The following TMEM132D variants were observed in gnomAD, a reference collection of about 807,000 sequenced individuals.
The protein encoded by TMEM132D is mature OL transmembrane protein.
A neutral mutation model predicts 62.3 loss-of-function variants in TMEM132D; 21 were observed. That is an observed-to-expected ratio of 0.34 (90% CI 0.24 to 0.49). The LOEUF (loss-of-function observed/expected upper bound fraction) is 0.49, where lower values mean the gene tolerates loss of function less well. TMEM132D is among the 20% of genes least tolerant of loss of function. TMEM132D has a pLI of 0.99. For synonymous variants in TMEM132D, 621 were observed against 575.6 expected, an observed-to-expected ratio of 1.08 and a Z score of -1.13; for missense variants, 1,346 against 1,402.8, an observed-to-expected ratio of 0.96 and a Z score of 0.65.
At position 129,568,353 on chromosome 12, in the gene TMEM132D, C is replaced by T. The variant is rs74867804; in HGVS notation, c.969-37148G>A. ...TGTCACCCCCTGGTCCATAATCCAA[C>T]GCACTGACAAACGCAATTCCCTGTG... is the stretch of plus-strand genomic sequence containing the variant. On this transcript the variant is annotated intron_variant, in intron 2 of 8. Transcript: ENST00000422113. Among the ~76,000 whole-genome samples the T allele has an allele frequency of 9.2e-3, 1,405 of 152,322 alleles. 18 individuals carry two copies. Among genetic ancestry groups the T allele is most frequent in the African/African-American group, 0.032 (1,337 of 41,572 alleles).
At chr12:129,380,829 T>G (rs1425528609) in intron 3 of TMEM132D, among the ~76,000 whole-genome samples, 2 of 152,244 alleles carry the variant, frequency 1.3e-5, no homozygotes, top group Non-Finnish European at 2.9e-5. Flanking sequence ...GTATGTAACC[T>G]TTTAGAACTA....
chr12:129,709,562 G>A (rs551735985), intron 1 of TMEM132D, among the ~76,000 whole-genome samples: 1 of 152,230 alleles, frequency 6.6e-6, no homozygotes, highest in South Asian at 2.1e-4. Context: ...GGTTCCCAAA[G>A]GAAAACATCT....
At chr12:129,137,256 C>A (rs1565975665) in intron 5 of TMEM132D, among the ~76,000 whole-genome samples, 1 of 151,552 alleles carries the variant, frequency 6.6e-6, no homozygotes, top group African/African-American at 2.4e-5. Flanking sequence ...ATTATCACCA[C>A]CATCAACATC....
At position 129,696,323 on chromosome 12, in the gene TMEM132D, A is replaced by C. The variant is rs549697461; in HGVS notation, c.968+3487T>G. On this transcript the variant is annotated intron_variant, in intron 2 of 8. Transcript: ENST00000422113. ...CTTAAAGCCAATCACAGTGCTAGGC[A>C]TATGGCACTTAACAAATTCTTGAGC... Among the ~76,000 whole-genome samples the C allele has an allele frequency of 9.6e-4, 147 of 152,374 alleles. 1 individual carries two copies. Among genetic ancestry groups the C allele is most frequent in the African/African-American group, 2.9e-3 (122 of 41,584 alleles).
chr12:129,892,337 T>C (rs537808672), intron 1 of TMEM132D, among the ~76,000 whole-genome samples: 60 of 152,308 alleles, frequency 3.9e-4, no homozygotes, highest in African/African-American at 1.1e-3. Flanking sequence ...TCTTAAAACA[T>C]CTCTACCAAT....
intron 3 of TMEM132D, among the ~76,000 whole-genome samples, chr12:129,423,161 C>T (rs1191431366): frequency 1.3e-5 from 2 of 152,052 alleles, no homozygotes; most frequent in Non-Finnish European, 2.9e-5. Flanking sequence ...AATCTCAATT[C>T]ATATGCACAC....
intron 3 of TMEM132D, among the ~76,000 whole-genome samples, chr12:129,350,464 C>A (rs1380627426): frequency 6.6e-6 from 1 of 152,204 alleles, no homozygotes; most frequent in Non-Finnish European, 1.5e-5. Flanking sequence ...GCCAACGGAA[C>A]ACAAGAGACA....
chr12:129,080,979 T>G (rs1874428442), intron 7 of TMEM132D, among the ~76,000 whole-genome samples: 1 of 152,120 alleles, frequency 6.6e-6, no homozygotes, highest in Admixed American at 6.5e-5. Flanking sequence ...CTTTAGCACA[T>G]TTCTGAGTTG....
chr12:129,185,950 C>A (rs1008269125), intron 5 of TMEM132D, among the ~76,000 whole-genome samples: 1 of 152,106 alleles, frequency 6.6e-6, no homozygotes, highest in African/African-American at 2.4e-5. Flanking sequence ...CTGACAACAC[C>A]CTGGAAAACC....
intron 1 of TMEM132D, among the ~76,000 whole-genome samples, chr12:129,847,658 G>A (rs775024920): frequency 3.1e-4 from 47 of 152,098 alleles, no homozygotes; most frequent in Admixed American, 1.8e-3. Flanking sequence ...CAGGGGTGAG[G>A]TCTACGTCCT....
intron 2 of TMEM132D, among the ~76,000 whole-genome samples, chr12:129,601,897 G>GA: frequency 6.6e-6 from 1 of 152,090 alleles, no homozygotes; most frequent in South Asian, 2.1e-4. Flanking sequence ...CATGCTGTTG[G>GA]AAAAATGGTG....
At position 129,371,893 on chromosome 12, in the gene TMEM132D, T is replaced by C. The variant is rs1430828686; in HGVS notation, c.1116-34076A>G. Among the ~76,000 whole-genome samples, 1 of 152,226 alleles carries C rather than the reference T, an allele frequency of 6.6e-6. No homozygotes were observed. The highest frequency in any genetic ancestry group is 2.4e-5 in the African/African-American group (1 of 41,456). On this transcript the variant is annotated intron_variant, in intron 3 of 8. Coordinates refer to ENST00000422113, the MANE Select transcript of TMEM132D (RefSeq NM_133448.3). The surrounding 1 kb of genome is among the most constrained non-coding windows in gnomAD (Gnocchi z 4.3). The stretch of plus-strand genomic sequence containing the variant: ...GGCATGTTCTGGGGAATAAGATATA[T>C]GCTACAGCCCAGATCCTGAGATGCC...
intron 1 of TMEM132D, among the ~76,000 whole-genome samples, chr12:129,816,879 A>T (rs1872361375): frequency 6.6e-6 from 1 of 152,244 alleles, no homozygotes; most frequent in Admixed American, 6.5e-5. Flanking sequence ...TTCATCAAAG[A>T]CAAGAATTCT....
intron 1 of TMEM132D, among the ~76,000 whole-genome samples, chr12:129,789,455 G>A (rs1871339136): frequency 1.3e-5 from 2 of 152,188 alleles, no homozygotes; most frequent in Admixed American, 6.5e-5. Flanking sequence ...ATTTGCAATT[G>A]CAAAAATATG....
Position 129,865,004 on chromosome 12 carries a change from C to G in TMEM132D, c.79+38257G>C, listed in dbSNP as rs186998870. 3.8e-4 allele frequency among the ~76,000 whole-genome samples: 58 copies of G among 152,250 alleles called. No individual in the cohort carries two copies. The South Asian group carries it at 0.012, about 31-fold the overall frequency. Reference sequence around the variant, plus strand: ...AGCCTGTAATCACAGAACTTATGCTCATCATGGAGCCTCCAATGTCAGAAC... The same window carrying G: ...AGCCTGTAATCACAGAACTTATGCTGATCATGGAGCCTCCAATGTCAGAAC... On this transcript the variant is annotated intron_variant, in intron 1 of 8. Coordinates refer to ENST00000422113, the MANE Select transcript of TMEM132D (RefSeq NM_133448.3).
intron 3 of TMEM132D, among the ~76,000 whole-genome samples, chr12:129,434,238 TGAATGAGAATGTCAAATAGACCA>T (rs1170440505): frequency 6.6e-6 from 1 of 152,188 alleles, no homozygotes; most frequent in Non-Finnish European, 1.5e-5. Flanking sequence ...CTCCCCCTAA[TGAATGAGAATGTCAAATAGACCA>T]ACCTGCTTTA....
At chr12:129,748,704 C>T (rs1869899735) in intron 1 of TMEM132D, among the ~76,000 whole-genome samples, 1 of 152,194 alleles carries the variant, frequency 6.6e-6, no homozygotes, top group South Asian at 2.1e-4. Context: ...GCAACAAAAA[C>T]CCACACGTGC....
At chr12:129,498,316 C>T (rs572789715) in intron 3 of TMEM132D, among the ~76,000 whole-genome samples, 15 of 152,226 alleles carry the variant, frequency 9.9e-5, no homozygotes, top group South Asian at 6.2e-4. Context: ...TGCAGTGGCA[C>T]GATCTCAGCT....
At chr12:129,693,831 G>A (rs558724509) in intron 2 of TMEM132D, among the ~76,000 whole-genome samples, 64 of 151,708 alleles carry the variant, frequency 4.2e-4, no homozygotes, top group African/African-American at 1.5e-3. Flanking sequence ...AATGAGACAT[G>A]CGATGTATGC....
Sources: allele counts gnomAD v4.1 joint callset (sites outside exome capture counted in the v4.1 genomes callset), GRCh38; gene constraint gnomAD v4.1.1; non-coding constraint Gnocchi (gnomAD v3.1); transcripts MANE v1.5; gene names NCBI Gene and HGNC (gene_info 2026-07-23, HGNC 2026-07-21).